Variants in MTDH observed in about 807,000 individuals in gnomAD.
MTDH encodes protein LYRIC.
MTDH carries 34 observed loss-of-function variants against 72.7 expected under a neutral mutation model. That is an observed-to-expected ratio of 0.47 (90% CI 0.36 to 0.62). The LOEUF (loss-of-function observed/expected upper bound fraction) is 0.62. MTDH is among the 20% of genes least tolerant of loss of function. The pLI, the probability that MTDH is intolerant of heterozygous loss-of-function variation, is 0.00. For synonymous variants in MTDH, 266 were observed against 268.9 expected, an observed-to-expected ratio of 0.99 and a Z score of 0.10; for missense variants, 677 against 699.4, an observed-to-expected ratio of 0.97 and a Z score of 0.36.
In MTDH at chr8:97,724,715, TGAA is replaced by T. The variant is rs1815290807; in HGVS notation, c.*48_*50del. 1.4e-6 allele frequency: 2 copies of T among 1,400,772 alleles called. No homozygotes were observed. Among genetic ancestry groups the T allele is most frequent in the Non-Finnish European group, 2.0e-6 (2 of 1,019,800 alleles). 86.8% of individuals were successfully genotyped at this position (1,400,772 alleles called of 1,614,324 possible). On this transcript the variant is annotated 3_prime_UTR_variant, in exon 12 of 12. Coordinates refer to ENST00000336273, the MANE Select transcript of MTDH (RefSeq NM_178812.4). ...GACATGTGTTTGCAAACACTTGTCT[TGAA>T]GATTATGCTGTTTATGCAATAATTT... is the stretch of plus-strand genomic sequence containing the variant.
chr8:97,673,337 A>T (rs1175671072), intron 2 of MTDH, among the ~76,000 whole-genome samples: 1 of 151,994 alleles, frequency 6.6e-6, no homozygotes, highest in Non-Finnish European at 1.5e-5. Context: ...CCTGGGCAAC[A>T]TAGTGAGACC....
chr8:97,689,068 A>T lies in MTDH; in HGVS notation c.776A>T (p.Asn259Ile). Residue 259 changes from asparagine to isoleucine, a missense_variant, in exon 5 of 12, where the codon AAC (asparagine) becomes ATC (isoleucine). Coordinates refer to ENST00000336273, the MANE Select transcript of MTDH (RefSeq NM_178812.4). ...GDSHLNVQVS[N>I]FKSGKGDSTL... ...TCTCATCTAAATGTTCAAGTTAGCAACTTTAAATCTGGAAAAGGAGATTCT... is the reference window on the plus strand; with the variant it reads ...TCTCATCTAAATGTTCAAGTTAGCATCTTTAAATCTGGAAAAGGAGATTCT... 1 of 1,585,538 alleles carries T rather than the reference A, an allele frequency of 6.3e-7. No homozygotes were observed. Among genetic ancestry groups the T allele is most frequent in the Non-Finnish European group, 8.6e-7 (1 of 1,160,912 alleles).
At chr8:97,654,281 A>G (rs1180211471) in intron 1 of MTDH, among the ~76,000 whole-genome samples, 1 of 152,222 alleles carries the variant, frequency 6.6e-6, no homozygotes, top group African/African-American at 2.4e-5. Context: ...GTGTATGTTT[A>G]GTTTATGTAG....
intron 2 of MTDH, among the ~76,000 whole-genome samples, chr8:97,667,992 T>C (rs1467485966): frequency 2.0e-5 from 3 of 151,842 alleles, no homozygotes; most frequent in African/African-American, 7.3e-5. Flanking sequence ...GTTTTAACAT[T>C]TTGGAAGATC....
rs1813610953 is a variant in MTDH, at chr8:97,691,660, G to A, written c.1048+472G>A. ...TAGTTGAGAAGTTTATTTCTGTTGAGAGCTATCAAGTTAAAAGCAGCTTAA... is the reference window on the plus strand; with the variant it reads ...TAGTTGAGAAGTTTATTTCTGTTGAAAGCTATCAAGTTAAAAGCAGCTTAA... On this transcript the variant is annotated intron_variant, in intron 6 of 11. Transcript: ENST00000336273. Among the ~76,000 whole-genome samples, 4 of 152,146 alleles carry A rather than the reference G, an allele frequency of 2.6e-5. No individual in the cohort carries two copies. In the South Asian group the frequency reaches 8.3e-4, roughly 32 times the overall value.
At chr8:97,688,215 C>A (rs183096279) in intron 4 of MTDH, among the ~76,000 whole-genome samples, 8 of 152,156 alleles carry the variant, frequency 5.3e-5, no homozygotes, top group Admixed American at 5.2e-4. Context: ...CCTGGAGACA[C>A]CAGTCTGCAA....
At chr8:97,692,095 G>C (rs1478161873) in intron 6 of MTDH, among the ~76,000 whole-genome samples, 2 of 152,208 alleles carry the variant, frequency 1.3e-5, no homozygotes, top group Non-Finnish European at 2.9e-5. Context: ...TGGCGAGGCT[G>C]ATCGTGAACT....
At chr8:97,655,457 A>G (rs914179125) in intron 1 of MTDH, among the ~76,000 whole-genome samples, 3 of 152,222 alleles carry the variant, frequency 2.0e-5, no homozygotes, top group African/African-American at 7.2e-5. Context: ...TAAGCCTCTG[A>G]GAGGATATAT....
intron 2 of MTDH, among the ~76,000 whole-genome samples, chr8:97,676,740 A>T (rs1400813367): frequency 1.3e-5 from 2 of 152,132 alleles, no homozygotes. Context: ...GTGGTGGCTC[A>T]TGCCTGTAAT....
intron 9 of MTDH, among the ~76,000 whole-genome samples, chr8:97,714,962 A>C (rs1441582221): frequency 6.6e-6 from 1 of 151,964 alleles, no homozygotes; most frequent in Non-Finnish European, 1.5e-5. Flanking sequence ...AGTAGCTAGG[A>C]TTACAGGCAT....
chr8:97,701,132 T>C (rs1378283242), intron 7 of MTDH, among the ~76,000 whole-genome samples: 2 of 152,116 alleles, frequency 1.3e-5, no homozygotes, highest in Admixed American at 1.3e-4. Flanking sequence ...AAATAATGTG[T>C]CATATCTGTT....
At chr8:97,682,281 T>TGTATATATATATATA (rs1813168312) in intron 2 of MTDH, among the ~76,000 whole-genome samples, 1 of 2,362 alleles carries the variant, frequency 4.2e-4, no homozygotes, top group African/African-American at 1.4e-3. Flanking sequence ...TATATATATA[T>TGTATATATATATATA]TTTTTTTTTT....
chr8:97,713,857 A>G (rs1814736142), intron 9 of MTDH, 88 bp downstream of exon 9: 1 of 664,320 alleles, frequency 1.5e-6, no homozygotes, highest in South Asian at 3.3e-5. Context: ...ATACATAGAG[A>G]TAAAAGACAG....
At chr8:97,687,755 G>C (rs1259660781) in intron 4 of MTDH, 150 bp downstream of exon 4, 2 of 644,090 alleles carry the variant, frequency 3.1e-6, no homozygotes, top group Non-Finnish European at 4.8e-6. Context: ...TGTGAACCAT[G>C]TATCGGTTTA....
chr8:97,724,155 C>T lies in MTDH; in HGVS notation c.1679-445C>T, dbSNP rs368856079. Among the ~76,000 whole-genome samples, 353 of 152,304 alleles carry T rather than the reference C, an allele frequency of 2.3e-3. 16 individuals carry two copies. The South Asian group carries it at 0.071, about 31-fold the overall frequency. Reference sequence around the variant, plus strand: ...TATCTCTGAAGGAGAGAATACATTGCTGAGAACAGAGAGGGAGAACTTTCA... The same window carrying T: ...TATCTCTGAAGGAGAGAATACATTGTTGAGAACAGAGAGGGAGAACTTTCA... On this transcript the variant is annotated intron_variant, in intron 11 of 11. Transcript: ENST00000336273.
At chr8:97,720,254 C>T (rs955837962) in intron 10 of MTDH, among the ~76,000 whole-genome samples, 12 of 152,014 alleles carry the variant, frequency 7.9e-5, no homozygotes, top group Admixed American at 5.3e-4. Context: ...CACTGCACTC[C>T]AGCCTGGGCA....
Position 97,719,676 on chromosome 8 carries a change from A to G in MTDH, c.1521+487A>G, listed in dbSNP as rs1040325643. Among the ~76,000 whole-genome samples the G allele has an allele frequency of 8.5e-5, 13 of 152,174 alleles. No homozygotes were observed. The South Asian group carries it at 1.4e-3, about 17-fold the overall frequency. On this transcript the variant is annotated intron_variant, in intron 10 of 11. Transcript: ENST00000336273. ...GCTAGAGAAGTTGAATAACTTGCCC[A>G]GAGTCATATAACTATCAGTAGTGAA... is the stretch of plus-strand genomic sequence containing the variant.
chr8:97,662,517 G>T (rs1250057642), intron 2 of MTDH, among the ~76,000 whole-genome samples: 1 of 151,452 alleles, frequency 6.6e-6, no homozygotes, highest in Non-Finnish European at 1.5e-5. Flanking sequence ...TGGGTGTGGT[G>T]GCTCACGCCT....
chr8:97,681,131 A>G (rs2130983461), intron 2 of MTDH, among the ~76,000 whole-genome samples: 1 of 152,276 alleles, frequency 6.6e-6, no homozygotes, highest in Admixed American at 6.5e-5. Context: ...GTCAGAAAAA[A>G]AAAATGAGTA....
Sources: allele counts gnomAD v4.1 joint callset (sites outside exome capture counted in the v4.1 genomes callset), GRCh38; gene constraint gnomAD v4.1.1; transcripts MANE v1.5; gene names NCBI Gene and HGNC (gene_info 2026-07-23, HGNC 2026-07-21).